Variants in RSPH14 observed in about 807,000 individuals in gnomAD.
RSPH14 encodes the protein radial spoke head 14 homolog, also known as rhabdoid tumor deletion region gene 1.
Under a neutral mutation model 26.7 loss-of-function variants are expected in RSPH14, and 20 were observed. The ratio of observed to expected loss-of-function variants is 0.75; its 90% CI spans 0.53 to 1.09. The LOEUF is 1.09. Among genes scored for constraint, RSPH14 ranks in the 50% least tolerant of loss-of-function variants. RSPH14 has a pLI of 0.00. For synonymous variants in RSPH14, 177 were observed against 189.3 expected (o/e 0.93, Z 0.53); for missense variants, 449 against 457.2 (o/e 0.98, Z 0.16).
At chr22:23,098,930 C>A (rs983514954) in intron 4 of RSPH14, among the ~76,000 whole-genome samples, 1 of 152,248 alleles carries the variant, frequency 6.6e-6, no homozygotes, top group Non-Finnish European at 1.5e-5. Flanking sequence ...CCTTTTGGAA[C>A]GTGCTGAACT....
At chr22:23,106,935 G>A (rs1259417625) in intron 4 of RSPH14, among the ~76,000 whole-genome samples, 1 of 152,184 alleles carries the variant, frequency 6.6e-6, no homozygotes, top group Non-Finnish European at 1.5e-5. Context: ...CCTCCACACT[G>A]CACACACAGG....
intron 4 of RSPH14, among the ~76,000 whole-genome samples, chr22:23,080,731 A>C (rs1416995978): frequency 2.6e-5 from 4 of 152,242 alleles, no homozygotes; most frequent in Non-Finnish European, 4.4e-5. Flanking sequence ...GATGTCTTTC[A>C]TGTGCGTATG....
intron 4 of RSPH14, chr22:23,131,548 C>T (rs2070360172): frequency 1.7e-6 from 2 of 1,154,816 alleles, no homozygotes; most frequent in Admixed American, 2.5e-5. Flanking sequence ...TCCTTATCAC[C>T]ATCTCTGTAC....
rs188700100 is a variant in RSPH14, at chr22:23,119,211, G to T, written c.421+14815C>A. ...AGAGTGCAGGCACCGCTGTGACACA[G>T]GCTCCCGAGGTCACCAGGCAAGCAC... On this transcript the variant is annotated intron_variant, in intron 4 of 6. Transcript: ENST00000216036. Among the ~76,000 whole-genome samples the T allele has an allele frequency of 8.0e-4, 122 of 152,346 alleles. 2 individuals carry two copies. In the Middle Eastern group the frequency reaches 0.017, roughly 21 times the overall value.
At chr22:23,172,820 G>A in the RSPH14 span, among the ~76,000 whole-genome samples, 1 of 151,224 alleles carries the variant, frequency 6.6e-6, no homozygotes, top group Admixed American at 6.6e-5. Flanking sequence ...TGTGGTGGCA[G>A]GCGCCTGTAG....
At chr22:23,075,270 C>G (rs934628290) in intron 4 of RSPH14, among the ~76,000 whole-genome samples, 5 of 152,198 alleles carry the variant, frequency 3.3e-5, no homozygotes, top group African/African-American at 1.2e-4. Flanking sequence ...GTCAGTCACA[C>G]CCAGCCTGTG....
the RSPH14 span, among the ~76,000 whole-genome samples, chr22:23,177,334 C>T: frequency 6.6e-6 from 1 of 152,146 alleles, no homozygotes; most frequent in South Asian, 2.1e-4. Context: ...CTTCCTCCCC[C>T]ATACACAGGC....
chr22:23,134,155 G>A lies in RSPH14; in HGVS notation c.303-11C>T. 6.3e-7 allele frequency: 1 copy of A among 1,591,688 alleles called. No homozygotes were observed. On this transcript the variant is annotated splice_polypyrimidine_tract_variant and intron_variant, in intron 3 of 6. Transcript: ENST00000216036. ...TCTAGAAAGGCGTATCTAGGGAAGG[G>A]AGGGTGGACAGTGACATAAGTGAGA...
chr22:23,128,282 C>T (rs903559069), intron 4 of RSPH14, among the ~76,000 whole-genome samples: 1 of 152,210 alleles, frequency 6.6e-6, no homozygotes, highest in Admixed American at 6.5e-5. Context: ...CTGGACTTAG[C>T]AGGAATGATG....
chr22:23,119,888 C>T (rs551683250), intron 4 of RSPH14, among the ~76,000 whole-genome samples: 320 of 152,344 alleles, frequency 2.1e-3, no homozygotes, highest in Non-Finnish European at 3.6e-3. Flanking sequence ...ATCATCTCCT[C>T]GGTGCCCACT....
At chr22:23,065,285 G>A (rs191238134) in intron 4 of RSPH14, among the ~76,000 whole-genome samples, 87 of 152,126 alleles carry the variant, frequency 5.7e-4, no homozygotes, top group Middle Eastern at 3.4e-3. Context: ...GTAGAAAGGC[G>A]GAGCAGGGTG....
Position 23,078,548 on chromosome 22 carries a change from G to T in RSPH14, c.422-14415C>A, listed in dbSNP as rs117706061. On this transcript the variant is annotated intron_variant, in intron 4 of 6. Coordinates refer to ENST00000216036, the MANE Select transcript of RSPH14 (RefSeq NM_014433.3). Reference sequence around the variant, plus strand: ...GTCTCCAGTGTGTTTGTCTTGCCACGCTGGCTGTTCTGGGGCTCTCCCTCC... The same window carrying T: ...GTCTCCAGTGTGTTTGTCTTGCCACTCTGGCTGTTCTGGGGCTCTCCCTCC... Among the ~76,000 whole-genome samples the T allele has an allele frequency of 5.7e-3, 862 of 152,312 alleles. 30 individuals carry two copies. Among genetic ancestry groups the T allele is most frequent in the Admixed American group, 0.043 (665 of 15,308 alleles).
chr22:23,158,182 A>C, the RSPH14 span: 3 of 1,502,092 alleles, frequency 2.0e-6, no homozygotes, highest in Non-Finnish European at 2.7e-6. Flanking sequence ...CCAGCTGCCC[A>C]CGGACTACTT....
chr22:23,158,879 C>G, the RSPH14 span: 1 of 1,610,730 alleles, frequency 6.2e-7, no homozygotes, highest in East Asian at 2.2e-5. Flanking sequence ...ATCTCTCAGC[C>G]TCTCTCCTTA....
At chr22:23,067,480 C>T (rs778715198) in intron 4 of RSPH14, among the ~76,000 whole-genome samples, 2 of 152,234 alleles carry the variant, frequency 1.3e-5, no homozygotes, top group South Asian at 2.1e-4. Flanking sequence ...CCCACCTTGC[C>T]GCAGGTGACC....
intron 4 of RSPH14, among the ~76,000 whole-genome samples, chr22:23,069,326 G>C: frequency 6.6e-6 from 1 of 152,220 alleles, no homozygotes; most frequent in East Asian, 1.9e-4. Flanking sequence ...TTTGCACTTT[G>C]TCAGGGATGC....
At chr22:23,172,440 G>A in the RSPH14 span, among the ~76,000 whole-genome samples, 7 of 151,418 alleles carry the variant, frequency 4.6e-5, no homozygotes, top group Non-Finnish European at 1.0e-4. Context: ...AAAAGGCCAG[G>A]TGCAGTGGCT....
At chr22:23,133,818 G>A (rs1710141106) in intron 4 of RSPH14, 4 of 441,486 alleles carry the variant, frequency 9.1e-6, no homozygotes, top group East Asian at 5.7e-5. Flanking sequence ...TCGAACTCCT[G>A]ACTTCGTGAT....
chr22:23,173,629 G>GT, the RSPH14 span, among the ~76,000 whole-genome samples: 1,599 of 85,524 alleles, frequency 0.019, 22 homozygotes, highest in Non-Finnish European at 0.03. Flanking sequence ...TTGGTTTTTT[G>GT]TTTTTTGTTT....
Sources: gnomAD v4.1 joint callset for allele counts (sites outside exome capture counted in the v4.1 genomes callset) on GRCh38, gnomAD v4.1.1 for gene constraint, MANE v1.5 for transcripts, NCBI Gene and HGNC (gene_info 2026-07-23, HGNC 2026-07-21) for gene names.